The following WDPCP variants were observed in gnomAD, a reference collection of about 807,000 sequenced individuals.
WDPCP encodes WD repeat-containing and planar cell polarity effector protein fritz homolog.
WDPCP carries 71 observed loss-of-function variants against 93.1 expected under a neutral mutation model. The observed-to-expected ratio is 0.76, with a 90% confidence interval of 0.63 to 0.93. WDPCP has a LOEUF of 0.93. Ranked by LOEUF, WDPCP falls within the 40% of genes least tolerant of loss-of-function variation. The pLI is 0.00. For synonymous variants in WDPCP, 315 were observed against 315.0 expected (o/e 1.00, Z 0.00); for missense variants, 844 against 887.4 (o/e 0.95, Z 0.62).
chr2:63,216,331 G>C (rs1289682166), intron 14 of WDPCP, among the ~76,000 whole-genome samples: 3 of 152,146 alleles, frequency 2.0e-5, no homozygotes, highest in Non-Finnish European at 2.9e-5. Flanking sequence ...TGATAGACTG[G>C]ATTAAGAAAA....
At chr2:63,772,882 A>T (rs1342582935) in intron 2 of WDPCP, among the ~76,000 whole-genome samples, 1 of 152,056 alleles carries the variant, frequency 6.6e-6, no homozygotes, top group Non-Finnish European at 1.5e-5. Context: ...TGATACTGGG[A>T]TCAAGTCAAG....
intron 7 of WDPCP, chr2:63,438,133 C>G: frequency 4.8e-6 from 3 of 620,410 alleles, no homozygotes; most frequent in South Asian, 7.9e-5. Flanking sequence ...ACAGCTTTGT[C>G]ACCAAAGCAC....
chr2:63,226,547 A>T (rs1678307157), intron 14 of WDPCP, among the ~76,000 whole-genome samples: 1 of 151,872 alleles, frequency 6.6e-6, no homozygotes, highest in Non-Finnish European at 1.5e-5. Flanking sequence ...ATAAAAACCT[A>T]GCATGCATAC....
chr2:63,409,195 G>C lies in WDPCP; in HGVS notation c.826-4538C>G, dbSNP rs1024343385. ...GACAGGCACTGGTATCCACGGCTGAGAGACCCACAGATGGTTCACATCACA... is the reference window on the plus strand; with the variant it reads ...GACAGGCACTGGTATCCACGGCTGACAGACCCACAGATGGTTCACATCACA... On this transcript the variant is annotated intron_variant, in intron 9 of 17. Transcript: ENST00000272321. 3.3e-5 allele frequency among the ~76,000 whole-genome samples: 5 copies of C among 152,150 alleles called. No homozygotes were observed. In the East Asian group the frequency reaches 9.6e-4, roughly 29 times the overall value.
intron 2 of WDPCP, among the ~76,000 whole-genome samples, chr2:63,731,455 A>C (rs1036428584): frequency 2.6e-5 from 4 of 152,068 alleles, no homozygotes; most frequent in Non-Finnish European, 4.4e-5. Context: ...GCAACTTATC[A>C]CCTCTAACTA....
intron 12 of WDPCP, among the ~76,000 whole-genome samples, chr2:63,331,748 T>C (rs1687993959): frequency 6.6e-6 from 1 of 152,212 alleles, no homozygotes; most frequent in Non-Finnish European, 1.5e-5. Flanking sequence ...TTGCTTTTTT[T>C]CCTAGCATGT....
At chr2:63,294,186 G>T (rs1476859504) in intron 13 of WDPCP, among the ~76,000 whole-genome samples, 2 of 152,192 alleles carry the variant, frequency 1.3e-5, no homozygotes, top group Non-Finnish European at 2.9e-5. Context: ...GGCTTTGGAG[G>T]TAAGAAAGCA....
chr2:63,197,947 G>C (rs192400988), intron 14 of WDPCP, among the ~76,000 whole-genome samples: 1 of 152,260 alleles, frequency 6.6e-6, no homozygotes, highest in East Asian at 1.9e-4. Context: ...ATATTGACAG[G>C]TTCTAGGGAT....
rs567696411 is a variant in WDPCP, at chr2:63,120,750, G to A, written c.*1256C>T. ...GGGGTTTCACCATGTTGTCTAGGAT[G>A]GTCTCCATCTCCTGACCTCGTGATT... On this transcript the variant is annotated 3_prime_UTR_variant, in exon 18 of 18. Coordinates refer to ENST00000272321, the MANE Select transcript of WDPCP (RefSeq NM_015910.7). 6.6e-6 allele frequency among the ~76,000 whole-genome samples: 1 copy of A among 151,068 alleles called. No homozygotes were observed. The highest frequency in any genetic ancestry group is 1.9e-4 in the East Asian group (1 of 5,136).
intron 13 of WDPCP, among the ~76,000 whole-genome samples, chr2:63,294,325 A>G (rs1208131658): frequency 1.5e-5 from 2 of 136,614 alleles, no homozygotes; most frequent in Admixed American, 7.3e-5. Flanking sequence ...CCAACAGGGG[A>G]AACCCCATCT....
chr2:63,647,961 T>C (rs1284620002), intron 3 of WDPCP, among the ~76,000 whole-genome samples: 1 of 152,166 alleles, frequency 6.6e-6, no homozygotes, highest in Non-Finnish European at 1.5e-5. Context: ...CATACTACCA[T>C]TTGAGAATGA....
At chr2:63,354,465 A>G (rs1689858510) in intron 12 of WDPCP, among the ~76,000 whole-genome samples, 1 of 152,178 alleles carries the variant, frequency 6.6e-6, no homozygotes, top group South Asian at 2.1e-4. Flanking sequence ...GGGGGAAAGG[A>G]ACCCACACAT....
At chr2:63,390,747 G>A (rs1361916017) in intron 10 of WDPCP, among the ~76,000 whole-genome samples, 1 of 152,032 alleles carries the variant, frequency 6.6e-6, no homozygotes, top group Admixed American at 6.6e-5. Flanking sequence ...TACCATCAGA[G>A]AATACTATAA....
intron 2 of WDPCP, among the ~76,000 whole-genome samples, chr2:63,794,090 C>T (rs947242314): frequency 6.6e-6 from 1 of 152,008 alleles, no homozygotes; most frequent in Admixed American, 6.6e-5. Context: ...TGTGGTCAAC[C>T]CGGCCATGTC....
intron 12 of WDPCP, among the ~76,000 whole-genome samples, chr2:63,341,822 T>A (rs1048455640): frequency 6.6e-6 from 1 of 152,232 alleles, no homozygotes; most frequent in Non-Finnish European, 1.5e-5. Context: ...TGTCTTAGCA[T>A]CTTATTTTAT....
intron 2 of WDPCP, among the ~76,000 whole-genome samples, chr2:63,795,906 T>C (rs1218108491): frequency 6.6e-6 from 1 of 152,172 alleles, no homozygotes; most frequent in South Asian, 2.1e-4. Context: ...CAGGTACCCA[T>C]TCCCTTCTAT....
chr2:63,416,807 C>A lies in WDPCP; in HGVS notation c.826-12150G>T, dbSNP rs997222251. On this transcript the variant is annotated intron_variant, in intron 9 of 17. Coordinates refer to ENST00000272321, the MANE Select transcript of WDPCP (RefSeq NM_015910.7). ...AAAGTGCTGGGATTACAGGTGTAGG[C>A]CACCACACCTGGCCCAAAATACTTT... Among the ~76,000 whole-genome samples the A allele has an allele frequency of 8.5e-5, 13 of 152,308 alleles. No individual in the cohort carries two copies. The South Asian group carries it at 2.7e-3, about 32-fold the overall frequency.
intron 2 of WDPCP, among the ~76,000 whole-genome samples, chr2:63,667,368 G>A (rs542763065): frequency 6.6e-6 from 1 of 152,300 alleles, no homozygotes. Flanking sequence ...CAAACCACAT[G>A]CAAAGTCATT....
intron 1 of WDPCP, among the ~76,000 whole-genome samples, chr2:63,570,622 G>A (rs1707415566): frequency 6.6e-6 from 1 of 152,216 alleles, no homozygotes; most frequent in East Asian, 1.9e-4. Flanking sequence ...GTTTACAGGG[G>A]AGAAATTGAA....
Sources: allele counts gnomAD v4.1 joint callset (sites outside exome capture counted in the v4.1 genomes callset), GRCh38; gene constraint gnomAD v4.1.1; transcripts MANE v1.5; gene names NCBI Gene and HGNC (gene_info 2026-07-23, HGNC 2026-07-21).